The following STOX2 variants were observed in gnomAD, a reference collection of about 807,000 sequenced individuals.
The protein encoded by STOX2 is storkhead-box protein 2.
STOX2 carries 28 observed loss-of-function variants against 60.9 expected under a neutral mutation model. The observed-to-expected ratio is 0.46, with a 90% CI of 0.34 to 0.63. The LOEUF (loss-of-function observed/expected upper bound fraction) is 0.63, where lower values mean the gene tolerates loss of function less well. Ranked by LOEUF, STOX2 falls within the 30% of genes least tolerant of loss-of-function variation. The pLI, the probability that STOX2 is intolerant of heterozygous loss-of-function variation, is 0.01. For missense variants in STOX2, 1,024 were observed against 1,187.7 expected, an observed-to-expected ratio of 0.86 and a Z score of 2.03; for synonymous variants, 472 against 463.9, an observed-to-expected ratio of 1.02 and a Z score of -0.22.
At chr4:183,968,283 CT>C (rs1473874006) in intron 1 of STOX2, among the ~76,000 whole-genome samples, 3 of 151,344 alleles carry the variant, frequency 2.0e-5, no homozygotes, top group Non-Finnish European at 2.9e-5. Flanking sequence ...AATCTGTCAT[CT>C]CTTATCACCA....
rs528519679 is a variant in STOX2, at chr4:183,821,298, G to A, written c.364+23243G>A. Among the ~76,000 whole-genome samples the A allele has an allele frequency of 1.8e-4, 28 of 152,162 alleles. No individual in the cohort carries two copies. The highest frequency in any genetic ancestry group is 3.3e-4 in the Admixed American group (5 of 15,280). ...CGTGTGTAACCATATGGTGCTTCAC[G>A]GAATGCAGATAATGGCTTTATTTTC... On this transcript the variant is annotated intron_variant, in intron 1 of 2. Coordinates refer to the STOX2 transcript ENST00000513034. The surrounding 1 kb of genome is among the most constrained non-coding windows in gnomAD (Gnocchi z 4.2).
intron 1 of STOX2, among the ~76,000 whole-genome samples, chr4:183,918,339 T>C (rs1741990683): frequency 6.6e-6 from 1 of 152,228 alleles, no homozygotes; most frequent in South Asian, 2.1e-4. Context: ...GTGCAGTCAG[T>C]GTAGTCAGTG....
At chr4:183,839,013 A>ACG (rs576428266) in intron 1 of STOX2, among the ~76,000 whole-genome samples, 1,968 of 149,628 alleles carry the variant, frequency 0.013, 44 homozygotes, top group Admixed American at 0.065. Flanking sequence ...GTACACGTGC[A>ACG]CGCGCGCGCG....
chr4:183,799,545 AG>A (rs1356203637), intron 1 of STOX2, among the ~76,000 whole-genome samples: 1 of 152,240 alleles, frequency 6.6e-6, no homozygotes, highest in Non-Finnish European at 1.5e-5. Flanking sequence ...TATATACAAA[AG>A]TAGTATAACT....
At position 183,967,363 on chromosome 4, in the gene STOX2, T is replaced by C. The variant is rs1056429305; in HGVS notation, c.167-33962T>C. 3.6e-5 allele frequency among the ~76,000 whole-genome samples: 5 copies of C among 138,280 alleles called. No homozygotes were observed. The Admixed American group carries it at 3.6e-4, about 10-fold the overall frequency. The allele number at this position is 138,280 out of a possible 152,430, so 90.7% of individuals were successfully genotyped here. A position where few individuals can be genotyped will look rare whatever the true frequency, so the allele number is the denominator to read the frequency against. ...CCTGGGCAACAAGAGCGAAACTCCG[T>C]CTCAAGAGAAAAAAAAAAAAAAAGA... On this transcript the variant is annotated intron_variant, in intron 1 of 3. Transcript: ENST00000308497.
intron 2 of STOX2, among the ~76,000 whole-genome samples, chr4:184,004,611 CA>C (rs11293346): frequency 0.68 from 102,352 of 151,234 alleles, 36,228 homozygotes; most frequent in Middle Eastern, 0.8. Flanking sequence ...AAAACAAAAA[CA>C]AAAAAAAAAT....
At position 183,996,372 on chromosome 4, in the gene STOX2, G is replaced by A. The variant is rs370277963; in HGVS notation, c.167-4953G>A. 3.9e-4 allele frequency among the ~76,000 whole-genome samples: 59 copies of A among 152,282 alleles called. No homozygotes were observed. In the East Asian group the frequency reaches 6.2e-3, roughly 16 times the overall value. On this transcript the variant is annotated intron_variant, in intron 1 of 3. Transcript: ENST00000308497. ...GAATGTGTTCTGAACTAATTCTGAC[G>A]ATGGAAAAATCCATCCTATAAATTA...
At chr4:183,904,895 A>C (rs12512040), upstream of STOX2, among the ~76,000 whole-genome samples, 1,316 of 152,370 alleles carry the variant, frequency 8.6e-3, 59 homozygotes, top group Admixed American at 0.069. Flanking sequence ...TCAGCCTGTT[A>C]GAAGCATATC....
chr4:183,965,255 C>T (rs534948847), intron 1 of STOX2, among the ~76,000 whole-genome samples: 1 of 152,252 alleles, frequency 6.6e-6, no homozygotes, highest in African/African-American at 2.4e-5. Flanking sequence ...GTACCATTTC[C>T]TTGCTGGGAG....
At chr4:183,868,069 G>C (rs1393745407) in intron 1 of STOX2, among the ~76,000 whole-genome samples, 1 of 151,814 alleles carries the variant, frequency 6.6e-6, no homozygotes, top group African/African-American at 2.4e-5. Context: ...TTGACCACTT[G>C]CTCAGCAAGT....
At chr4:183,890,044 G>T (rs1357314935) in intron 1 of STOX2, among the ~76,000 whole-genome samples, 1 of 152,094 alleles carries the variant, frequency 6.6e-6, no homozygotes, top group African/African-American at 2.4e-5. Context: ...ATATTACATA[G>T]TATTTCTTGG....
chr4:183,967,274 G>A (rs947208842), intron 1 of STOX2, among the ~76,000 whole-genome samples: 3 of 151,978 alleles, frequency 2.0e-5, no homozygotes, highest in African/African-American at 4.8e-5. Flanking sequence ...AGTGAGGCAG[G>A]AGAATTGCCT....
chr4:183,843,158 A>AAAAAG lies in STOX2; in HGVS notation c.364+45107_364+45108insGAAAA, dbSNP rs1553967455. Among the ~76,000 whole-genome samples, 6 of 150,708 alleles carry AAAAAG rather than the reference A, an allele frequency of 4.0e-5. No individual in the cohort carries two copies. The South Asian group carries it at 6.2e-4, about 16-fold the overall frequency. On this transcript the variant is annotated intron_variant, in intron 1 of 2. Coordinates refer to the STOX2 transcript ENST00000513034. ...GCGAGACTCCATCTCAAAAAAAAAAAAAAAAGAAAAAGAAAAAGAAAAAGA... is the reference window on the plus strand; with the variant it reads ...GCGAGACTCCATCTCAAAAAAAAAAAAAAAGAAAAAGAAAAAGAAAAAGAAAAAGA...
At chr4:183,889,675 C>T (rs563015096) in intron 1 of STOX2, among the ~76,000 whole-genome samples, 4 of 152,356 alleles carry the variant, frequency 2.6e-5, no homozygotes, top group African/African-American at 9.6e-5. Flanking sequence ...GGGCCCAGCC[C>T]TGAAAGGGCC....
At chr4:183,903,077 G>C (rs1386904980), upstream of STOX2, among the ~76,000 whole-genome samples, 4 of 152,172 alleles carry the variant, frequency 2.6e-5, no homozygotes, top group African/African-American at 4.8e-5. Context: ...CCTTCGAACA[G>C]ATTCCCTCTT....
chr4:184,004,234 C>A (rs1353641276), intron 2 of STOX2, among the ~76,000 whole-genome samples: 1 of 152,104 alleles, frequency 6.6e-6, no homozygotes, highest in Non-Finnish European at 1.5e-5. Context: ...AAAGTGTAGT[C>A]TAGAATTTGG....
At chr4:183,805,747 A>C (rs972289300) in intron 1 of STOX2, among the ~76,000 whole-genome samples, 1 of 152,212 alleles carries the variant, frequency 6.6e-6, no homozygotes, top group African/African-American at 2.4e-5. Flanking sequence ...TGGGAGATGG[A>C]AGCTACAGTG....
At chr4:183,799,038 CTG>C (rs1224333474) in intron 1 of STOX2, among the ~76,000 whole-genome samples, 2 of 152,216 alleles carry the variant, frequency 1.3e-5, no homozygotes, top group African/African-American at 4.8e-5. Context: ...CGCTAAAAAA[CTG>C]TAAAGCCGCC....
intron 1 of STOX2, among the ~76,000 whole-genome samples, chr4:183,990,578 ATTTTTTTTTTTTTTTTTTTTTTTTT>A (rs57369052): frequency 3.6e-5 from 3 of 82,448 alleles, no homozygotes; most frequent in Non-Finnish European, 6.4e-5. Flanking sequence ...AAAAAGCAGG[ATTTTTTTTTTTTTTTTTTTTTTTTT>A]TTTTTTTTTT....
Sources: gnomAD v4.1 joint callset for allele counts (sites outside exome capture counted in the v4.1 genomes callset) on GRCh38, gnomAD v4.1.1 for gene constraint, Gnocchi (gnomAD v3.1) non-coding constraint, MANE v1.5 for transcripts, NCBI Gene and HGNC (gene_info 2026-07-23, HGNC 2026-07-21) for gene names.